The following CHST13 variants were observed in gnomAD, a reference collection of about 807,000 sequenced individuals.
The protein encoded by CHST13 is carbohydrate sulfotransferase 13.
CHST13 carries 1 observed loss-of-function variant against 7.0 expected under a neutral mutation model. That is an observed-to-expected ratio of 0.14 (90% CI 0.05 to 0.68). CHST13 has a LOEUF of 0.68. Ranked by LOEUF, CHST13 falls within the 30% of genes least tolerant of loss-of-function variation. CHST13 has a pLI of 0.82. For missense variants in CHST13, 572 were observed against 507.9 expected (o/e 1.13, Z -1.21); for synonymous variants, 257 against 240.9 (o/e 1.07, Z -0.62).
At chr3:126,541,417 C>T (rs148071737) in intron 2 of CHST13, among the ~76,000 whole-genome samples, 20 of 152,308 alleles carry the variant, frequency 1.3e-4, no homozygotes, top group Non-Finnish European at 2.6e-4. Flanking sequence ...CATGTGTGCC[C>T]GTACTCACAC....
At chr3:126,535,573 C>CAGACAGACAGAT (rs1275739470) in intron 1 of CHST13, among the ~76,000 whole-genome samples, 3 of 56,494 alleles carry the variant, frequency 5.3e-5, no homozygotes, top group Non-Finnish European at 1.2e-4. Context: ...GACAGACAGA[C>CAGACAGACAGAT]AGCATCACTT....
chr3:126,531,645 T>A (rs1285650266), intron 1 of CHST13, among the ~76,000 whole-genome samples: 1 of 152,374 alleles, frequency 6.6e-6, no homozygotes, highest in South Asian at 2.1e-4. Flanking sequence ...AGCCAATTCT[T>A]CATTCCTTTT....
At position 126,524,405 on chromosome 3, in the gene CHST13, G is replaced by A; in HGVS notation, c.73G>A (p.Ala25Thr). Residue 25 changes from alanine to threonine, a missense_variant, in exon 1 of 3, where the codon GCC (alanine) becomes ACC (threonine). Transcript: ENST00000319340. ...CLGAALLLLC[A>T]APRSLRPAFG... is the part of the protein sequence containing the mutation. ...GGGCGCCGCGCTCCTGCTCCTATGC[G>A]CCGCGCCCCGCTCCCTGCGCCCGGG... 1 of 1,203,488 alleles carries A rather than the reference G, an allele frequency of 8.3e-7. No homozygotes were observed. Among genetic ancestry groups the A allele is most frequent in the East Asian group, 3.2e-5 (1 of 31,026 alleles). 74.6% of individuals were successfully genotyped at this position (1,203,488 alleles called of 1,614,324 possible). A position where few individuals can be genotyped will look rare whatever the true frequency, so the allele number is the denominator to read the frequency against.
At position 126,542,086 on chromosome 3, in the gene CHST13, G is replaced by C; in HGVS notation, c.534G>C (p.Glu178Asp). Residue 178 changes from glutamate (E) to aspartate (D), a missense_variant, in exon 3 of 3, where the codon GAG (glutamate) becomes GAC (aspartate). Physicochemically the swap from Glu to Asp is conservative, Grantham distance 45 (BLOSUM62 2). Coordinates refer to ENST00000319340, the MANE Select transcript of CHST13 (RefSeq NM_152889.3). ...TCCTGTTCGTGCGGGAGCCCTTCGA[G>C]CGCCTGGCATCGGCTTACCGCAACA... ...LAFLFVREPFERLASAYRNKL... is the reference protein window; with the variant it reads ...LAFLFVREPFDRLASAYRNKL... 5 of 1,584,380 alleles carry C rather than the reference G, an allele frequency of 3.2e-6. No homozygotes were observed. Among genetic ancestry groups the C allele is most frequent in the Non-Finnish European group, 4.3e-6 (5 of 1,169,508 alleles).
In CHST13 at chr3:126,542,746, C is replaced by T. The variant is rs569521301; in HGVS notation, c.*168C>T. On this transcript the variant is annotated 3_prime_UTR_variant, in exon 3 of 3. Transcript: ENST00000319340. ...CACACCTGGCCAGGCTTGGGGGCAG[C>T]CCATCTCAGGTGGCCCTGCACGCGT... 3.6e-5 allele frequency: 39 copies of T among 1,085,724 alleles called. No individual in the cohort carries two copies. The African/African-American group carries it at 5.0e-4, about 14-fold the overall frequency. 67.3% of individuals were successfully genotyped at this position (1,085,724 alleles called of 1,614,324 possible). A position where few individuals can be genotyped will look rare whatever the true frequency, so the allele number is the denominator to read the frequency against.
At chr3:126,531,930 T>C (rs918822158) in intron 1 of CHST13, among the ~76,000 whole-genome samples, 21 of 152,240 alleles carry the variant, frequency 1.4e-4, no homozygotes, top group Admixed American at 7.9e-4. Context: ...ACCAGCAATA[T>C]ATGAGGGCTC....
intron 1 of CHST13, among the ~76,000 whole-genome samples, chr3:126,533,548 C>T (rs1936702279): frequency 6.6e-6 from 1 of 152,134 alleles, no homozygotes. Flanking sequence ...TATATTTAGC[C>T]AATCTTGCAT....
chr3:126,530,466 C>A (rs1405335488), intron 1 of CHST13, among the ~76,000 whole-genome samples: 3 of 152,184 alleles, frequency 2.0e-5, no homozygotes. Flanking sequence ...AACTGCCCCT[C>A]CACCCCCTGC....
rs1377178594 is a variant in CHST13, at chr3:126,542,342, G to C, written c.790G>C (p.Val264Leu). 2.4e-5 allele frequency: 37 copies of C among 1,566,038 alleles called. No homozygotes were observed. Among genetic ancestry groups the C allele is most frequent in the Non-Finnish European group, 3.1e-5 (36 of 1,158,120 alleles). ...CHPCRLRYDV[V>L]GKFETLAEDA... ...CCCGTGTCGCCTCCGCTACGACGTC[G>C]TGGGCAAGTTCGAGACGCTGGCGGA... The change falls in exon 3 of 3, where the codon GTG becomes CTG. Residue 264 changes from valine (V) to leucine (L), a missense_variant. By Grantham distance (32) the Val-to-Leu change is conservative. Transcript: ENST00000319340.
At chr3:126,530,437 T>G (rs1576747602) in intron 1 of CHST13, among the ~76,000 whole-genome samples, 1 of 152,102 alleles carries the variant, frequency 6.6e-6, no homozygotes, top group Admixed American at 6.5e-5. Context: ...CAGGCCTGGG[T>G]CGGCTTCTCA....
chr3:126,528,551 A>G (rs929037760), intron 1 of CHST13, among the ~76,000 whole-genome samples: 42 of 152,000 alleles, frequency 2.8e-4, no homozygotes, highest in African/African-American at 9.9e-4. Flanking sequence ...GAGAAATAGG[A>G]GATAGGTGAG....
chr3:126,538,668 C>G (rs572110646), intron 2 of CHST13, among the ~76,000 whole-genome samples: 1 of 152,268 alleles, frequency 6.6e-6, no homozygotes, highest in East Asian at 1.9e-4. Flanking sequence ...CTGTGGGCCC[C>G]GGGGGCACAG....
intron 1 of CHST13, chr3:126,527,451 C>G (rs565977741): frequency 1.3e-5 from 2 of 152,492 alleles, no homozygotes; most frequent in East Asian, 3.9e-4. Flanking sequence ...TGCACCAGTT[C>G]AGCAACTCCA....
chr3:126,529,013 C>T, intron 1 of CHST13: 1 of 346,512 alleles, frequency 2.9e-6, no homozygotes, highest in Non-Finnish European at 5.7e-6. Flanking sequence ...TGCTTATCTC[C>T]TCTTGCAACA....
At chr3:126,537,680 C>T (rs910607821) in intron 2 of CHST13, among the ~76,000 whole-genome samples, 2 of 152,230 alleles carry the variant, frequency 1.3e-5, no homozygotes, top group Admixed American at 6.5e-5. Context: ...CAGATGGCCC[C>T]TCACAGCCTG....
At chr3:126,524,715 A>G (rs1037327085) in intron 1 of CHST13, among the ~76,000 whole-genome samples, 1 of 152,120 alleles carries the variant, frequency 6.6e-6, no homozygotes, top group African/African-American at 2.4e-5. Flanking sequence ...TGGGGGGTAG[A>G]GGACAATTGG....
intron 1 of CHST13, among the ~76,000 whole-genome samples, chr3:126,530,712 TCTCCTGTCAG>T (rs1936639621): frequency 6.6e-6 from 1 of 152,228 alleles, no homozygotes. Flanking sequence ...ATTGCTGCCC[TCTCCTGTCAG>T]CTCCTTTTCT....
Position 126,542,399 on chromosome 3 carries a change from G to A in CHST13, c.847G>A (p.Ala283Thr), listed in dbSNP as rs1434019449. ...DAAFVLGLAG[A>T]SDLSFPGPPR... ...GGCCTTCGTGCTGGGCCTGGCGGGC[G>A]CATCCGACCTGAGCTTCCCTGGGCC... Residue 283 changes from alanine to threonine, a missense_variant, in exon 3 of 3, where the codon GCA (alanine) becomes ACA (threonine). By Grantham distance (58) the Ala-to-Thr change is moderately conservative. Transcript: ENST00000319340. 2 of 1,550,508 alleles carry A rather than the reference G, an allele frequency of 1.3e-6. No homozygotes were observed. The highest frequency in any genetic ancestry group is 1.7e-6 in the Non-Finnish European group (2 of 1,151,250).
Position 126,535,473 on chromosome 3 carries a change from C to T in CHST13, c.98-798C>T, listed in dbSNP as rs140230853. Among the ~76,000 whole-genome samples the T allele has an allele frequency of 8.6e-4, 130 of 151,780 alleles. 3 individuals are homozygous for T. In the East Asian group the frequency reaches 0.022, roughly 25 times the overall value. ...CAGCCGGGAGACAGACAGACAGTATCGCTGTCCTCAGCCGGGAGACACACA... is the reference window on the plus strand; with the variant it reads ...CAGCCGGGAGACAGACAGACAGTATTGCTGTCCTCAGCCGGGAGACACACA... On this transcript the variant is annotated intron_variant, in intron 1 of 2. Coordinates refer to ENST00000319340, the MANE Select transcript of CHST13 (RefSeq NM_152889.3).
Sources: gnomAD v4.1 joint callset for allele counts (sites outside exome capture counted in the v4.1 genomes callset) on GRCh38, gnomAD v4.1.1 for gene constraint, MANE v1.5 for transcripts, NCBI Gene and HGNC (gene_info 2026-07-23, HGNC 2026-07-21) for gene names.